The following CA10 variants were observed in gnomAD, a reference collection of about 807,000 sequenced individuals.
The protein encoded by CA10 is carbonic anhydrase-related protein 10.
Under a neutral mutation model 44.2 loss-of-function variants are expected in CA10, and 14 were observed. The ratio of observed to expected loss-of-function variants is 0.32; its 90% confidence interval spans 0.21 to 0.50. CA10 has a LOEUF of 0.50. Among genes scored for constraint, CA10 ranks in the 20% least tolerant of loss-of-function variants. The pLI is 0.99. For missense variants in CA10, 350 were observed against 409.7 expected, an observed-to-expected ratio of 0.85 and a Z score of 1.26; for synonymous variants, 159 against 141.6, an observed-to-expected ratio of 1.12 and a Z score of -0.87.
rs79468981 is a variant in CA10 at position 52,143,941 on chromosome 17, T to C, written c.61+13785A>G. On this transcript the variant is annotated intron_variant, in intron 1 of 8. Transcript: ENST00000451037. ...CAGTATTTATCATCTGTCCTATTTC[T>C]TGTTGGTTTCCCTTTTATGCCTTTT... Among the ~76,000 whole-genome samples, 1,158 of 152,328 alleles carry C rather than the reference T, an allele frequency of 7.6e-3. 65 individuals are homozygous for C. Among genetic ancestry groups the C allele is most frequent in the East Asian group, 0.053 (275 of 5,178 alleles).
At chr17:51,968,972 G>C (rs1386186253) in intron 2 of CA10, among the ~76,000 whole-genome samples, 1 of 151,684 alleles carries the variant, frequency 6.6e-6, no homozygotes, top group Non-Finnish European at 1.5e-5. Context: ...TTTTTTCTAA[G>C]CTGCCTTCGT....
At chr17:51,941,941 ACT>A (rs1367039399) in intron 2 of CA10, among the ~76,000 whole-genome samples, 3 of 151,792 alleles carry the variant, frequency 2.0e-5, no homozygotes, top group African/African-American at 7.3e-5. Flanking sequence ...TTTAACACTC[ACT>A]CTCTCTGTAC....
chr17:52,004,822 C>T (rs1334045155), intron 2 of CA10, among the ~76,000 whole-genome samples: 2 of 151,608 alleles, frequency 1.3e-5, no homozygotes, highest in Non-Finnish European at 2.9e-5. Flanking sequence ...GATAACAGAC[C>T]AATCCCATCC....
chr17:51,723,625 A>T (rs146406255), intron 4 of CA10, among the ~76,000 whole-genome samples: 42 of 152,294 alleles, frequency 2.8e-4, no homozygotes, highest in African/African-American at 1.0e-3. Flanking sequence ...TTTGAAACTC[A>T]GTTCATCTTT....
intron 2 of CA10, among the ~76,000 whole-genome samples, chr17:51,947,417 C>T (rs898916119): frequency 1.3e-5 from 2 of 150,714 alleles, no homozygotes; most frequent in Non-Finnish European, 3.0e-5. Context: ...GTAGATGTGA[C>T]CTTGCCGGTC....
chr17:51,887,880 G>C, intron 3 of CA10, among the ~76,000 whole-genome samples: 1 of 150,628 alleles, frequency 6.6e-6, no homozygotes, highest in East Asian at 1.9e-4. Context: ...AAAAAAATTA[G>C]TCGGGTGTGG....
chr17:51,807,263 G>A (rs545366570), intron 3 of CA10, among the ~76,000 whole-genome samples: 14 of 152,280 alleles, frequency 9.2e-5, no homozygotes, highest in African/African-American at 1.4e-4. Context: ...ATTTGCTTTC[G>A]CTGCTTTATT....
rs370810385 is a variant in CA10 at position 51,971,120 on chromosome 17, A to T, written c.137-39988T>A. Among the ~76,000 whole-genome samples the T allele has an allele frequency of 1.2e-3, 177 of 152,214 alleles. 4 individuals are homozygous for T. In the South Asian group the frequency reaches 0.024, roughly 21 times the overall value. ...AATGGAATATTTCCATAAGCTAAAG[A>T]TCTACAGCTGTTCATTAATTTCAGA... is the stretch of plus-strand genomic sequence containing the variant. On this transcript the variant is annotated intron_variant, in intron 2 of 8. Coordinates refer to ENST00000451037, the MANE Select transcript of CA10 (RefSeq NM_020178.5).
intron 1 of CA10, among the ~76,000 whole-genome samples, chr17:52,147,150 T>C (rs1989605967): frequency 1.3e-5 from 2 of 152,324 alleles, no homozygotes; most frequent in African/African-American, 2.4e-5. Context: ...TTGGAAAAGT[T>C]ACAGTTTCAA....
intron 2 of CA10, among the ~76,000 whole-genome samples, chr17:51,970,239 C>T (rs1002638652): frequency 6.6e-6 from 1 of 151,804 alleles, no homozygotes; most frequent in African/African-American, 2.4e-5. Context: ...TTTATGACAT[C>T]TAGAAAGTCT....
intron 2 of CA10, among the ~76,000 whole-genome samples, chr17:51,947,396 T>C (rs541947848): frequency 6.6e-6 from 1 of 152,216 alleles, no homozygotes; most frequent in Admixed American, 6.5e-5. Flanking sequence ...ACAGCATATG[T>C]TCTTGTCAGT....
At chr17:51,974,393 A>T (rs1407592753) in intron 2 of CA10, among the ~76,000 whole-genome samples, 2 of 84,798 alleles carry the variant, frequency 2.4e-5, no homozygotes, top group Non-Finnish European at 4.9e-5. Flanking sequence ...ATTTAAAAAA[A>T]AAAAACAAAA....
chr17:51,803,897 T>C (rs1907030663), intron 3 of CA10, among the ~76,000 whole-genome samples: 1 of 152,218 alleles, frequency 6.6e-6, no homozygotes, highest in Admixed American at 6.5e-5. Flanking sequence ...TCTTCTACGT[T>C]GTATTTCGTA....
chr17:52,021,432 G>A (rs1986135984), intron 2 of CA10, among the ~76,000 whole-genome samples: 1 of 152,012 alleles, frequency 6.6e-6, no homozygotes, highest in South Asian at 2.1e-4. Flanking sequence ...CACCAACAGT[G>A]TATAAGCATT....
At chr17:51,824,122 A>G (rs894038919) in intron 3 of CA10, among the ~76,000 whole-genome samples, 7 of 152,230 alleles carry the variant, frequency 4.6e-5, no homozygotes, top group Non-Finnish European at 7.3e-5. Context: ...CAATAACATA[A>G]TAGGTGCTCA....
Position 52,157,736 on chromosome 17 carries a change from G to C in CA10, c.51C>G (p.Val17=). ...VLFLLQANFI[V]CISAQQNSPK... is the part of the protein sequence containing the mutation. ...CGGCGCGTCCCGTACCTGATATGCAGACGATGAAATTGGCTTGAAGAAGAA... is the reference window on the plus strand; with the variant it reads ...CGGCGCGTCCCGTACCTGATATGCACACGATGAAATTGGCTTGAAGAAGAA... Residue 17 remains valine (V), a synonymous_variant, in exon 1 of 9, where the codon GTC becomes GTG. Transcript: ENST00000451037. 6.2e-7 allele frequency: 1 copy of C among 1,613,970 alleles called. No individual in the cohort carries two copies. The highest frequency in any genetic ancestry group is 2.2e-5 in the East Asian group (1 of 44,858).
intron 3 of CA10, among the ~76,000 whole-genome samples, chr17:51,789,225 A>G (rs908570817): frequency 2.6e-5 from 4 of 152,138 alleles, no homozygotes; most frequent in African/African-American, 7.2e-5. Context: ...CACGTTGGTC[A>G]GGCTGGTCTC....
chr17:51,637,726 C>T (rs1484415491), intron 6 of CA10, among the ~76,000 whole-genome samples: 2 of 152,202 alleles, frequency 1.3e-5, no homozygotes, highest in Non-Finnish European at 2.9e-5. Context: ...AACTAAAGAT[C>T]AGGGAGGCAA....
intron 4 of CA10, among the ~76,000 whole-genome samples, chr17:51,715,039 G>T (rs1164929533): frequency 1.3e-5 from 2 of 151,998 alleles, no homozygotes; most frequent in Non-Finnish European, 2.9e-5. Flanking sequence ...ACAAAATAAG[G>T]GAGGATGATG....
Sources: gnomAD v4.1 joint callset for allele counts (sites outside exome capture counted in the v4.1 genomes callset) on GRCh38, gnomAD v4.1.1 for gene constraint, MANE v1.5 for transcripts, NCBI Gene and HGNC (gene_info 2026-07-23, HGNC 2026-07-21) for gene names.